Variants in PLEK observed in about 807,000 individuals in gnomAD.
The protein encoded by PLEK is pleckstrin.
In PLEK, 25 loss-of-function variants were observed where a neutral mutation model predicts 43.9. That is an observed-to-expected ratio of 0.57 (90% CI 0.41 to 0.79). PLEK has a LOEUF of 0.79. Ranked by LOEUF, PLEK falls within the 30% of genes least tolerant of loss-of-function variation. The pLI, the probability that PLEK is intolerant of heterozygous loss-of-function variation, is 0.00. For synonymous variants in PLEK, 152 were observed against 144.4 expected, an observed-to-expected ratio of 1.05 and a Z score of -0.38; for missense variants, 396 against 413.3, an observed-to-expected ratio of 0.96 and a Z score of 0.36.
chr2:68,380,650 T>C (rs1386411037), intron 2 of PLEK, 73 bp from the exon 3 acceptor site: 11 of 1,494,228 alleles, frequency 7.4e-6, no homozygotes, highest in Non-Finnish European at 1.0e-5. Context: ...TTTAGGCCAA[T>C]GGCCTCTGCT....
At chr2:68,390,818 T>C (rs1041045545) in intron 6 of PLEK, among the ~76,000 whole-genome samples, 1 of 152,208 alleles carries the variant, frequency 6.6e-6, no homozygotes, top group Non-Finnish European at 1.5e-5. Flanking sequence ...TATTTTCTCA[T>C]CCCAGGATAA....
intron 6 of PLEK, among the ~76,000 whole-genome samples, chr2:68,389,957 A>T (rs1340762866): frequency 3.3e-5 from 5 of 152,168 alleles, no homozygotes; most frequent in African/African-American, 1.2e-4. Flanking sequence ...ATAATTCTAT[A>T]TTGTTATCAG....
At chr2:68,380,599 C>T in intron 2 of PLEK, 116 bp downstream of exon 2, 3 of 1,383,624 alleles carry the variant, frequency 2.2e-6, no homozygotes, top group Non-Finnish European at 3.0e-6. Context: ...CCACCACCCA[C>T]ACCCCACCCT....
chr2:68,388,734 G>GA (rs35092569), intron 6 of PLEK, among the ~76,000 whole-genome samples: 64,829 of 150,374 alleles, frequency 0.43, 14,331 homozygotes, highest in African/African-American at 0.5. Context: ...AATATCATAG[G>GA]AAAAAAAAAG....
rs1288056554 is a variant in PLEK, at chr2:68,394,171, C to T, written c.911C>T (p.Ser304Leu). 13 of 1,593,564 alleles carry T rather than the reference C, an allele frequency of 8.2e-6. No homozygotes were observed. The highest frequency in any genetic ancestry group is 4.0e-5 in the African/African-American group (3 of 74,616). Residue 304 changes from serine (S) to leucine (L), a missense_variant, in exon 8 of 9, where the codon TCA becomes TTA. Ser to Leu is a moderately radical substitution (Grantham distance 145). Coordinates refer to ENST00000234313, the MANE Select transcript of PLEK (RefSeq NM_002664.3). The part of the protein sequence containing the change: ...GCVVTSVESN[S>L]NGRKSEEENL... ...GTGGTGACTTCAGTGGAGAGCAACT[C>T]AAATGGTAAGATGAATTTCTGTGTG... is the stretch of plus-strand genomic sequence containing the variant.
intron 8 of PLEK, among the ~76,000 whole-genome samples, chr2:68,394,920 A>T (rs1034757328): frequency 6.6e-6 from 1 of 152,190 alleles, no homozygotes; most frequent in African/African-American, 2.4e-5. Context: ...GGAAAACATC[A>T]TAACTGCAAA....
chr2:68,367,900 A>G (rs1673315142), intron 1 of PLEK, among the ~76,000 whole-genome samples: 1 of 152,228 alleles, frequency 6.6e-6, no homozygotes, highest in Non-Finnish European at 1.5e-5. Context: ...AGTTCAAGAT[A>G]CCTGGGTAGT....
intron 1 of PLEK, among the ~76,000 whole-genome samples, chr2:68,370,775 G>A (rs542049235): frequency 1.3e-5 from 2 of 152,206 alleles, no homozygotes; most frequent in East Asian, 3.9e-4. Flanking sequence ...TGTGAGTACT[G>A]CGCTCAGAGT....
Position 68,386,562 on chromosome 2 carries a change from T to C in PLEK, c.533T>C (p.Leu178Pro). ...NQSVRNRQEG[L>P]MIASSLLNEG... ...TCTGTTAGGAATCGCCAGGAAGGCC[T>C]CATGATTGCTTCATCGCTGCTCAAT... The change falls in exon 5 of 9, where the codon CTC becomes CCC. Residue 178 changes from leucine to proline, a missense_variant. Physicochemically the swap from Leu to Pro is moderately conservative, Grantham distance 98. Coordinates refer to ENST00000234313, the MANE Select transcript of PLEK (RefSeq NM_002664.3). 6.2e-7 allele frequency: 1 copy of C among 1,613,806 alleles called. No individual in the cohort carries two copies. Among genetic ancestry groups the C allele is most frequent in the Non-Finnish European group, 8.5e-7 (1 of 1,179,704 alleles).
chr2:68,366,528 T>C, intron 1 of PLEK, among the ~76,000 whole-genome samples: 1 of 152,244 alleles, frequency 6.6e-6, no homozygotes, highest in South Asian at 2.1e-4. Flanking sequence ...TTCTGATTCA[T>C]GGCACTGAAC....
intron 1 of PLEK, among the ~76,000 whole-genome samples, chr2:68,380,072 A>G (rs1308155763): frequency 6.6e-6 from 1 of 152,156 alleles, no homozygotes; most frequent in Non-Finnish European, 1.5e-5. Context: ...AGGCAAGGTG[A>G]GAAAGAGGAG....
chr2:68,394,178 TA>T lies in PLEK; in HGVS notation c.916+4del. On this transcript the variant is annotated splice_donor_region_variant and intron_variant, in intron 8 of 8. Coordinates refer to ENST00000234313, the MANE Select transcript of PLEK (RefSeq NM_002664.3). ...CTTCAGTGGAGAGCAACTCAAATGG[TA>T]AGATGAATTTCTGTGTGAGAGAGGT... The T allele has an allele frequency of 6.3e-7, 1 of 1,583,080 alleles. No homozygotes were observed. The highest frequency in any genetic ancestry group is 8.7e-7 in the Non-Finnish European group (1 of 1,151,766).
At position 68,380,707 on chromosome 2, in the gene PLEK, G is replaced by A. The variant is rs778381888; in HGVS notation, c.199-16G>A. 40 of 1,611,172 alleles carry A rather than the reference G, an allele frequency of 2.5e-5. No homozygotes were observed. Among genetic ancestry groups the A allele is most frequent in the Non-Finnish European group, 3.0e-5 (35 of 1,178,464 alleles). On this transcript the variant is annotated splice_polypyrimidine_tract_variant and intron_variant, in intron 2 of 8. Transcript: ENST00000234313. ...TGAAATAAGCCATTTCTAATGGGAT[G>A]TGTTTTGATTTTCAGTTTGTGTTTA... is the stretch of plus-strand genomic sequence containing the variant.
intron 8 of PLEK, among the ~76,000 whole-genome samples, chr2:68,395,018 G>A (rs1451749940): frequency 2.1e-5 from 1 of 47,776 alleles, no homozygotes; most frequent in Admixed American, 1.5e-4. Context: ...GGAGCATGCT[G>A]GTTCTTTATT....
At position 68,395,755 on chromosome 2, in the gene PLEK, C is replaced by T. The variant is rs767819444; in HGVS notation, c.992C>T (p.Thr331Ile). The T allele has an allele frequency of 1.9e-6, 3 of 1,613,576 alleles. No individual in the cohort carries two copies. The highest frequency in any genetic ancestry group is 2.2e-5 in the East Asian group (1 of 44,880). The part of the protein sequence containing the change: ...DEVHYFLQAA[T>I]PKERTEWIRA... ...GTGCACTATTTCTTGCAAGCAGCCACCCCCAAGGAGCGCACAGAGTGGATC... is the reference window on the plus strand; with the variant it reads ...GTGCACTATTTCTTGCAAGCAGCCATCCCCAAGGAGCGCACAGAGTGGATC... Residue 331 changes from threonine to isoleucine, a missense_variant, in exon 9 of 9, where the codon ACC (threonine) becomes ATC (isoleucine). By Grantham distance (89) the Thr-to-Ile change is moderately conservative. Transcript: ENST00000234313.
intron 3 of PLEK, among the ~76,000 whole-genome samples, chr2:68,381,947 G>A (rs1673627263): frequency 6.6e-6 from 1 of 152,170 alleles, no homozygotes; most frequent in Admixed American, 6.5e-5. Context: ...TACATGGAAG[G>A]GGCCTTCTGT....
chr2:68,394,114 A>T lies in PLEK; in HGVS notation c.854A>T (p.Asp285Val). The change falls in exon 8 of 9, where the codon GAT (aspartate) becomes GTT (valine). Residue 285 changes from aspartate to valine, a missense_variant. Coordinates refer to ENST00000234313, the MANE Select transcript of PLEK (RefSeq NM_002664.3). The part of the protein sequence containing the change: ...LHYYDPAGAE[D>V]PLGAIHLRGC... ...AACTCCTTTCTTCTTTAGGCAGAAG[A>T]TCCCCTGGGAGCAATTCACTTGAGA... 2 of 1,605,490 alleles carry T rather than the reference A, an allele frequency of 1.2e-6. No individual in the cohort carries two copies. Among genetic ancestry groups the T allele is most frequent in the East Asian group, 2.2e-5 (1 of 44,838 alleles).
At chr2:68,373,274 C>G (rs1041906678) in intron 1 of PLEK, among the ~76,000 whole-genome samples, 2 of 152,076 alleles carry the variant, frequency 1.3e-5, no homozygotes, top group Admixed American at 6.6e-5. Context: ...GATGTTTAAG[C>G]TTTGTAAGTG....
At chr2:68,376,565 C>A (rs1232050114) in intron 1 of PLEK, among the ~76,000 whole-genome samples, 1 of 120,162 alleles carries the variant, frequency 8.3e-6, no homozygotes, top group East Asian at 3.1e-4. Context: ...TTCATTATGT[C>A]TTATTTATTC....
Sources: gnomAD v4.1 joint callset for allele counts (sites outside exome capture counted in the v4.1 genomes callset) on GRCh38, gnomAD v4.1.1 for gene constraint, MANE v1.5 for transcripts, NCBI Gene and HGNC (gene_info 2026-07-23, HGNC 2026-07-21) for gene names.